The following MYT1L variants were observed in gnomAD, a reference collection of about 807,000 sequenced individuals.
The protein encoded by MYT1L is myelin transcription factor 1 like, also known as myelin transcription factor 1-like protein.
A neutral mutation model predicts 126.7 loss-of-function variants in MYT1L; 12 were observed. The observed-to-expected ratio is 0.09, with a 90% CI of 0.06 to 0.15. The LOEUF is 0.15. Among genes scored for constraint, MYT1L ranks in the 10% least tolerant of loss-of-function variants. MYT1L has a pLI of 1.00. For synonymous variants in MYT1L, 541 were observed against 604.2 expected (o/e 0.90, Z 1.53); for missense variants, 979 against 1,585.2 (o/e 0.62, Z 6.49).
intron 5 of MYT1L, 47 bp downstream of exon 5, chr2:1,997,144 C>T (rs1003773965): frequency 3.3e-5 from 5 of 151,778 alleles, no homozygotes; most frequent in African/African-American, 9.7e-5. Flanking sequence ...GGCCACCCTG[C>T]TTCAGTGTGG....
chr2:2,229,835 G>C (rs944709277), intron 2 of MYT1L, among the ~76,000 whole-genome samples: 38 of 152,138 alleles, frequency 2.5e-4, no homozygotes, highest in African/African-American at 9.2e-4. Context: ...GCTGCCATCT[G>C]AACCAGTGTG....
chr2:2,019,449 G>C (rs2064804198), intron 4 of MYT1L, among the ~76,000 whole-genome samples: 1 of 152,190 alleles, frequency 6.6e-6, no homozygotes. Context: ...AACAGCATGA[G>C]AACAGACTTA....
At chr2:2,074,072 T>C (rs1009953004) in intron 3 of MYT1L, among the ~76,000 whole-genome samples, 1 of 152,272 alleles carries the variant, frequency 6.6e-6, no homozygotes, top group African/African-American at 2.4e-5. Flanking sequence ...TTTATTGAGC[T>C]GGCTCTATTG....
At chr2:1,874,374 ATTT>A (rs2046630288) in intron 18 of MYT1L, among the ~76,000 whole-genome samples, 3 of 152,070 alleles carry the variant, frequency 2.0e-5, no homozygotes, top group Non-Finnish European at 4.4e-5. Flanking sequence ...TGTTTTCCTT[ATTT>A]TATTAAGTGT....
At chr2:2,223,564 C>T (rs2093935442) in intron 2 of MYT1L, among the ~76,000 whole-genome samples, 1 of 152,184 alleles carries the variant, frequency 6.6e-6, no homozygotes, top group Non-Finnish European at 1.5e-5. Flanking sequence ...CCGAAAATAG[C>T]TGATTTGTCA....
chr2:1,945,487 GAGAGAGCGTGAGAGCAGGAC>G (rs752839311), intron 8 of MYT1L, among the ~76,000 whole-genome samples: 80 of 152,296 alleles, frequency 5.3e-4, no homozygotes, highest in Non-Finnish European at 3.5e-4. Context: ...AAGGTGCTGG[GAGAGAGCGTGAGAGCAGGAC>G]ACAGTGTGTG....
chr2:1,814,027 C>CAAA (rs144973855), intron 21 of MYT1L, among the ~76,000 whole-genome samples: 2 of 124,544 alleles, frequency 1.6e-5, no homozygotes, highest in East Asian at 2.6e-4. Flanking sequence ...ACTCCGTCCC[C>CAAA]AAAAAAAAAA....
chr2:2,179,675 C>T (rs757978138), intron 2 of MYT1L, among the ~76,000 whole-genome samples: 9 of 152,180 alleles, frequency 5.9e-5, no homozygotes, highest in Admixed American at 2.6e-4. Context: ...CAGTAGGAAT[C>T]GGAGCTGGAA....
chr2:1,992,185 A>G (rs1164213214), intron 5 of MYT1L, among the ~76,000 whole-genome samples: 1 of 152,134 alleles, frequency 6.6e-6, no homozygotes, highest in Non-Finnish European at 1.5e-5. Context: ...AGAGCTTGTG[A>G]GGTGGGGCCT....
chr2:2,143,152 C>T (rs2084284813), intron 3 of MYT1L, among the ~76,000 whole-genome samples: 1 of 151,424 alleles, frequency 6.6e-6, no homozygotes, highest in Non-Finnish European at 1.5e-5. Context: ...TAGCCGGGCG[C>T]AGTGGCAGGC....
At chr2:2,207,964 A>T (rs765927635) in intron 2 of MYT1L, among the ~76,000 whole-genome samples, 5 of 151,822 alleles carry the variant, frequency 3.3e-5, no homozygotes, top group Non-Finnish European at 5.9e-5. Flanking sequence ...GGGGCCCCCT[A>T]TTGTCCACTC....
intron 3 of MYT1L, among the ~76,000 whole-genome samples, chr2:2,060,697 C>T (rs1276958569): frequency 2.6e-5 from 3 of 114,516 alleles, no homozygotes; most frequent in South Asian, 7.9e-4. Flanking sequence ...CTCCTCTCTG[C>T]CCTTCTCTTC....
intron 2 of MYT1L, among the ~76,000 whole-genome samples, chr2:2,184,159 A>G (rs576722949): frequency 2.0e-5 from 3 of 152,296 alleles, no homozygotes; most frequent in African/African-American, 7.2e-5. Flanking sequence ...GCTGTTCACA[A>G]TTTTAAACGT....
intron 2 of MYT1L, among the ~76,000 whole-genome samples, chr2:2,253,773 A>G (rs925737444): frequency 2.0e-5 from 3 of 151,374 alleles, no homozygotes; most frequent in Admixed American, 6.6e-5. Flanking sequence ...CGGAAACAGG[A>G]AGCGGGGCAG....
chr2:1,935,734 G>A (rs1217920554), intron 9 of MYT1L, among the ~76,000 whole-genome samples: 4 of 152,294 alleles, frequency 2.6e-5, no homozygotes, highest in South Asian at 2.1e-4. Flanking sequence ...CCATCTACCC[G>A]TGGATAAACC....
chr2:2,000,634 GTTGT>G (rs976902708), intron 4 of MYT1L, among the ~76,000 whole-genome samples: 26 of 152,240 alleles, frequency 1.7e-4, no homozygotes, highest in Admixed American at 4.6e-4. Context: ...AGGACAGGGG[GTTGT>G]TTATTTTGGG....
intron 9 of MYT1L, among the ~76,000 whole-genome samples, chr2:1,934,444 T>C (rs1172908828): frequency 6.6e-6 from 1 of 152,014 alleles, no homozygotes; most frequent in Non-Finnish European, 1.5e-5. Flanking sequence ...AATGCTGTCC[T>C]TTCTATGAGC....
At chr2:1,870,919 G>A (rs976317583) in intron 18 of MYT1L, among the ~76,000 whole-genome samples, 3 of 152,220 alleles carry the variant, frequency 2.0e-5, no homozygotes, top group Non-Finnish European at 4.4e-5. Flanking sequence ...TGCCCACTGG[G>A]CATCTGGACC....
At chr2:2,125,174 G>A (rs138261024) in intron 3 of MYT1L, among the ~76,000 whole-genome samples, 1,966 of 152,146 alleles carry the variant, frequency 0.013, 17 homozygotes, top group Non-Finnish European at 0.02. Context: ...GGGGCAGTTC[G>A]ACACCTTGGT....
Sources: allele counts gnomAD v4.1 joint callset (sites outside exome capture counted in the v4.1 genomes callset), GRCh38; gene constraint gnomAD v4.1.1; transcripts MANE v1.5; gene names NCBI Gene and HGNC (gene_info 2026-07-23, HGNC 2026-07-21).